The following PIWIL2 variants were observed in gnomAD, a reference collection of about 807,000 sequenced individuals.
PIWIL2 encodes the protein piwi-like protein 2.
A neutral mutation model predicts 116.5 loss-of-function variants in PIWIL2; 81 were observed. The observed-to-expected ratio is 0.70, with a 90% confidence interval of 0.58 to 0.84. The LOEUF (loss-of-function observed/expected upper bound fraction) is 0.84, where lower values mean the gene tolerates loss of function less well. PIWIL2 is among the 40% of genes least tolerant of loss of function. PIWIL2 has a pLI of 0.00. For synonymous variants in PIWIL2, 489 were observed against 429.5 expected, an observed-to-expected ratio of 1.14 and a Z score of -1.71; for missense variants, 1,272 against 1,212.3, an observed-to-expected ratio of 1.05 and a Z score of -0.73.
At chr8:22,291,110 A>G (rs1252504024) in intron 10 of PIWIL2, among the ~76,000 whole-genome samples, 1 of 151,002 alleles carries the variant, frequency 6.6e-6, no homozygotes, top group Non-Finnish European at 1.5e-5. Flanking sequence ...CTGGAATTAT[A>G]GGCGCCCGCC....
chr8:22,313,193 T>C (rs1183033899), intron 16 of PIWIL2, among the ~76,000 whole-genome samples: 1 of 152,216 alleles, frequency 6.6e-6, no homozygotes, highest in Non-Finnish European at 1.5e-5. Flanking sequence ...CTCTGTCTGT[T>C]CATCTTTAAG....
At chr8:22,307,339 G>A (rs902119866) in intron 13 of PIWIL2, among the ~76,000 whole-genome samples, 10 of 151,942 alleles carry the variant, frequency 6.6e-5, no homozygotes, top group African/African-American at 2.2e-4. Context: ...TTAAGTAGGT[G>A]TAATCAAGCC....
chr8:22,300,062 G>C (rs1359621444), intron 10 of PIWIL2, among the ~76,000 whole-genome samples: 1 of 151,920 alleles, frequency 6.6e-6, no homozygotes, highest in African/African-American at 2.4e-5. Flanking sequence ...GCCTAGCTGG[G>C]ATTACAGGTG....
At chr8:22,350,432 CA>C (rs1187564930) in intron 20 of PIWIL2, among the ~76,000 whole-genome samples, 2 of 151,836 alleles carry the variant, frequency 1.3e-5, no homozygotes, top group African/African-American at 4.8e-5. Flanking sequence ...TCCATCTCTA[CA>C]AAAAATACAA....
rs546858805 is a variant in PIWIL2, at chr8:22,356,499, A to G, written c.*994A>G. On this transcript the variant is annotated 3_prime_UTR_variant, in exon 23 of 23. Transcript: ENST00000356766. ...GACGATTTCTTCCCCAAATATACAC[A>G]TGCTCTTTTGCTCTTTGTGCCTGAT... 1 of 152,258 alleles carries G rather than the reference A, an allele frequency of 6.6e-6. No homozygotes were observed. Among genetic ancestry groups the G allele is most frequent in the South Asian group, 2.1e-4 (1 of 4,822 alleles). The allele number at this position is 152,258 out of a possible 1,614,324, so 9.4% of individuals were successfully genotyped here. A position where few individuals can be genotyped will look rare whatever the true frequency, so the allele number is the denominator to read the frequency against.
chr8:22,282,177 T>G, intron 4 of PIWIL2, among the ~76,000 whole-genome samples: 1 of 145,162 alleles, frequency 6.9e-6, no homozygotes, highest in East Asian at 2.0e-4. Context: ...ACCTCCCAGG[T>G]TCAAGCGATT....
chr8:22,343,779 C>T (rs962893691), intron 20 of PIWIL2, among the ~76,000 whole-genome samples: 2 of 152,062 alleles, frequency 1.3e-5, no homozygotes, highest in Non-Finnish European at 2.9e-5. Context: ...CGCTCACTCA[C>T]GGCTGGTGAG....
rs760913894 is a variant in PIWIL2 at position 22,353,764 on chromosome 8, C to CTTTTTTTTTTTTTTTTTTTT, written c.2658-498_2658-479dup. On this transcript the variant is annotated intron_variant, in intron 21 of 22. Transcript: ENST00000356766. ...CAGGAAGATAAGGGAGTTTCTACCACTTTTTTTTTTTTTTTTTTTTTTTTT... is the reference window on the plus strand; with the variant it reads ...CAGGAAGATAAGGGAGTTTCTACCACTTTTTTTTTTTTTTTTTTTTTTTTTTTTTTTTTTTTTTTTTTTTT... Among the ~76,000 whole-genome samples, 7 of 68,328 alleles carry CTTTTTTTTTTTTTTTTTTTT rather than the reference C, an allele frequency of 1.0e-4. 1 individual carries two copies. The highest frequency in any genetic ancestry group is 1.8e-4 in the Non-Finnish European group (7 of 38,130). The allele number at this position is 68,328 out of a possible 152,430, so 44.8% of individuals were successfully genotyped here.
At chr8:22,349,056 T>TTA (rs1467565830) in intron 20 of PIWIL2, among the ~76,000 whole-genome samples, 1 of 147,732 alleles carries the variant, frequency 6.8e-6, no homozygotes, top group East Asian at 1.9e-4. Context: ...TTTTTCTTTT[T>TTA]TTTTTTTTTT....
intron 8 of PIWIL2, 28 bp from the exon 9 acceptor site, chr8:22,289,819 G>C (rs1830716587): frequency 1.5e-6 from 2 of 1,361,508 alleles, no homozygotes; most frequent in African/African-American, 2.8e-5. Flanking sequence ...TCTTCTATTA[G>C]AAAACTCATA....
chr8:22,317,605 G>A lies in PIWIL2; in HGVS notation c.2298-565G>A, dbSNP rs544809298. On this transcript the variant is annotated intron_variant, in intron 19 of 22. Coordinates refer to ENST00000356766, the MANE Select transcript of PIWIL2 (RefSeq NM_018068.5). ...AAGTTGTTAAATTTTTTCTATTGGA[G>A]CAGTTTTTGTAGGAAATATCCACAA... Among the ~76,000 whole-genome samples the A allele has an allele frequency of 2.0e-5, 3 of 151,324 alleles. No homozygotes were observed. In the East Asian group the frequency reaches 5.8e-4, roughly 29 times the overall value.
At chr8:22,331,306 C>T (rs1390217477) in intron 20 of PIWIL2, among the ~76,000 whole-genome samples, 3 of 151,994 alleles carry the variant, frequency 2.0e-5, no homozygotes, top group Non-Finnish European at 4.4e-5. Flanking sequence ...AACCAGCCTG[C>T]TCAACATAGT....
At chr8:22,342,229 A>C (rs978576692) in intron 20 of PIWIL2, among the ~76,000 whole-genome samples, 1 of 152,214 alleles carries the variant, frequency 6.6e-6, no homozygotes, top group Non-Finnish European at 1.5e-5. Context: ...TAGGATATCA[A>C]TTCTTCCCAA....
At chr8:22,328,818 G>GTGGTTT in intron 20 of PIWIL2, among the ~76,000 whole-genome samples, 1 of 107,174 alleles carries the variant, frequency 9.3e-6, no homozygotes, top group East Asian at 3.1e-4. Context: ...AGCTCTAGTC[G>GTGGTTT]TTTTTTTTTT....
chr8:22,284,023 T>G (rs1830575137), intron 5 of PIWIL2, 139 bp from the exon 6 acceptor site: 1 of 529,842 alleles, frequency 1.9e-6, no homozygotes, highest in Non-Finnish European at 3.3e-6. Flanking sequence ...AAGTGTTGCC[T>G]CTTGATATGT....
chr8:22,281,961 C>A (rs955948701), intron 4 of PIWIL2, among the ~76,000 whole-genome samples: 4 of 150,906 alleles, frequency 2.7e-5, no homozygotes, highest in Non-Finnish European at 4.4e-5. Flanking sequence ...TTAGTAGAGA[C>A]GAGGTTTCAC....
In PIWIL2 at chr8:22,356,280, A is replaced by G. The variant is rs542175408; in HGVS notation, c.*775A>G. 1.3e-5 allele frequency: 2 copies of G among 152,276 alleles called. No individual in the cohort carries two copies. Among genetic ancestry groups the G allele is most frequent in the South Asian group, 4.1e-4 (2 of 4,828 alleles). The allele number at this position is 152,276 out of a possible 1,614,324, so 9.4% of individuals were successfully genotyped here. Reference sequence around the variant, plus strand: ...AAGTTTTCAAGTAGATATTGCTATTACTGGCAGGTGTGCAAGGCGTGTAGT... The same window carrying G: ...AAGTTTTCAAGTAGATATTGCTATTGCTGGCAGGTGTGCAAGGCGTGTAGT... On this transcript the variant is annotated 3_prime_UTR_variant, in exon 23 of 23. Transcript: ENST00000356766.
At chr8:22,331,169 C>CT (rs1831853943) in intron 20 of PIWIL2, among the ~76,000 whole-genome samples, 1 of 151,392 alleles carries the variant, frequency 6.6e-6, no homozygotes, top group Admixed American at 6.6e-5. Context: ...GAGCGAGACT[C>CT]TGTCTCAAAA....
rs202085354 is a variant in PIWIL2, at chr8:22,277,029, A to T, written c.-47+1631A>T. 9.4e-4 allele frequency among the ~76,000 whole-genome samples: 110 copies of T among 116,590 alleles called. 1 individual carries two copies. The highest frequency in any genetic ancestry group is 6.9e-3 in the East Asian group (24 of 3,474). The allele number at this position is 116,590 out of a possible 152,430, so 76.5% of individuals were successfully genotyped here. ...GTAGGTTATAAAGTGATATATATAT[A>T]TATATTTTTTTTTTTGAGACAGAAT... is the stretch of plus-strand genomic sequence containing the variant. On this transcript the variant is annotated intron_variant, in intron 1 of 22. Coordinates refer to ENST00000356766, the MANE Select transcript of PIWIL2 (RefSeq NM_018068.5).
Sources: gnomAD v4.1 joint callset for allele counts (sites outside exome capture counted in the v4.1 genomes callset) on GRCh38, gnomAD v4.1.1 for gene constraint, MANE v1.5 for transcripts, NCBI Gene and HGNC (gene_info 2026-07-23, HGNC 2026-07-21) for gene names.